Variants in PDE7B observed in about 807,000 individuals in gnomAD.
The protein encoded by PDE7B is 3',5'-cyclic-AMP phosphodiesterase 7B.
PDE7B carries 29 observed loss-of-function variants against 56.2 expected under a neutral mutation model. The ratio of observed to expected loss-of-function variants is 0.52; its 90% confidence interval spans 0.38 to 0.70. PDE7B has a LOEUF of 0.70. Ranked by LOEUF, PDE7B falls within the 30% of genes least tolerant of loss-of-function variation. The probability of loss-of-function intolerance (pLI) is 0.00; values close to 1 mark genes in which losing one functional copy is unlikely to be tolerated. For missense variants in PDE7B, 490 were observed against 565.0 expected (o/e 0.87, Z 1.35); for synonymous variants, 197 against 196.9 (o/e 1.00, Z 0.00).
At chr6:135,901,643 G>A (rs1022398889) in intron 1 of PDE7B, among the ~76,000 whole-genome samples, 4 of 152,016 alleles carry the variant, frequency 2.6e-5, no homozygotes, top group East Asian at 1.9e-4. Context: ...AAATTGACCC[G>A]GCAGCACACC....
At chr6:136,139,589 G>T (rs1433687414) in intron 3 of PDE7B, among the ~76,000 whole-genome samples, 1 of 152,200 alleles carries the variant, frequency 6.6e-6, no homozygotes, top group East Asian at 1.9e-4. Context: ...CCCACCAACA[G>T]TGTAAAAGTG....
Position 135,926,723 on chromosome 6 carries a change from G to A in PDE7B, c.22-20741G>A, listed in dbSNP as rs565410071. On this transcript the variant is annotated intron_variant, in intron 1 of 12. Coordinates refer to ENST00000308191, the MANE Select transcript of PDE7B (RefSeq NM_018945.4). ...TTTCTACTGCTTTCTCAAATGTCAC[G>A]ATGTACCACATTTTGGGGTGGCATG... is the stretch of plus-strand genomic sequence containing the variant. Among the ~76,000 whole-genome samples the A allele has an allele frequency of 4.6e-5, 7 of 152,142 alleles. No homozygotes were observed. The South Asian group carries it at 1.0e-3, about 23-fold the overall frequency.
intron 1 of PDE7B, among the ~76,000 whole-genome samples, chr6:135,934,125 T>C (rs926164572): frequency 1.3e-5 from 2 of 152,188 alleles, no homozygotes; most frequent in African/African-American, 4.8e-5. Context: ...AATGATTATC[T>C]CTCCTTATAA....
chr6:135,918,965 A>C (rs1014346888), intron 1 of PDE7B, among the ~76,000 whole-genome samples: 1 of 152,214 alleles, frequency 6.6e-6, no homozygotes, highest in Non-Finnish European at 1.5e-5. Context: ...AAATTTTTAA[A>C]GCTAACTGCC....
intron 2 of PDE7B, among the ~76,000 whole-genome samples, chr6:135,956,115 C>T (rs545759584): frequency 2.6e-5 from 4 of 151,638 alleles, no homozygotes; most frequent in Non-Finnish European, 5.9e-5. Context: ...TCAAAAGGAG[C>T]CTATGGAAGC....
At chr6:136,091,759 C>T (rs1274467118) in intron 2 of PDE7B, among the ~76,000 whole-genome samples, 1 of 152,200 alleles carries the variant, frequency 6.6e-6, no homozygotes, top group Non-Finnish European at 1.5e-5. Context: ...ATATTCAATT[C>T]CCTCAGCCTC....
chr6:135,934,895 ATT>A (rs1774377838), intron 1 of PDE7B, among the ~76,000 whole-genome samples: 1 of 110,404 alleles, frequency 9.1e-6, no homozygotes, highest in African/African-American at 3.7e-5. Context: ...TTAAATATAT[ATT>A]TAAATATATA....
At chr6:136,070,000 A>C (rs1777019078) in intron 2 of PDE7B, among the ~76,000 whole-genome samples, 1 of 152,190 alleles carries the variant, frequency 6.6e-6, no homozygotes, top group Non-Finnish European at 1.5e-5. Context: ...AAACTGATAA[A>C]TATCAAAAAA....
chr6:136,037,425 C>T (rs560583254), intron 2 of PDE7B: 255 of 985,280 alleles, frequency 2.6e-4, no homozygotes, highest in African/African-American at 1.7e-3. Flanking sequence ...ATAGGTTTGC[C>T]GAGAACCAAA....
At chr6:136,138,106 C>A (rs979116377) in intron 3 of PDE7B, among the ~76,000 whole-genome samples, 1 of 152,004 alleles carries the variant, frequency 6.6e-6, no homozygotes, top group African/African-American at 2.4e-5. Flanking sequence ...GTATAAGGGT[C>A]TTAAATAAAC....
chr6:135,861,965 A>G (rs1775157825), intron 1 of PDE7B, among the ~76,000 whole-genome samples: 1 of 151,872 alleles, frequency 6.6e-6, no homozygotes, highest in Admixed American at 6.6e-5. Flanking sequence ...TATATCAATT[A>G]ATTATCAGCA....
At chr6:136,030,550 C>T (rs556294126) in intron 2 of PDE7B, among the ~76,000 whole-genome samples, 4 of 152,240 alleles carry the variant, frequency 2.6e-5, no homozygotes, top group Non-Finnish European at 5.9e-5. Flanking sequence ...CTGGCTACAG[C>T]ACCATGAATG....
chr6:135,947,388 C>T (rs1436138216), intron 1 of PDE7B, 76 bp from the exon 2 acceptor site: 2 of 1,091,270 alleles, frequency 1.8e-6, no homozygotes, highest in African/African-American at 1.5e-5. Context: ...ATGGTAATGT[C>T]AGGTCACATG....
rs534533450 is a variant in PDE7B at position 136,048,729 on chromosome 6, G to C, written c.83-60002G>C. ...CATTCTAGCAACAGTGGCTGGTGAA[G>C]AGGTGGAGTTAGGGTGAGCATACTA... On this transcript the variant is annotated intron_variant, in intron 2 of 12. Transcript: ENST00000308191. 8.4e-4 allele frequency among the ~76,000 whole-genome samples: 128 copies of C among 152,286 alleles called. 1 individual carries two copies. The highest frequency in any genetic ancestry group is 2.9e-3 in the African/African-American group (121 of 41,568).
At chr6:136,074,266 TTTG>T (rs1292390381) in intron 2 of PDE7B, among the ~76,000 whole-genome samples, 2 of 151,842 alleles carry the variant, frequency 1.3e-5, no homozygotes, top group Non-Finnish European at 2.9e-5. Flanking sequence ...TTGGGGTTTT[TTTG>T]TTGTTTAAGG....
rs372657193 is a variant in PDE7B, at chr6:136,007,653, G to GA, written c.82+60143dup. 9.1e-3 allele frequency among the ~76,000 whole-genome samples: 1,228 copies of GA among 134,906 alleles called. 4 individuals carry two copies. The highest frequency in any genetic ancestry group is 0.012 in the Non-Finnish European group (726 of 61,930). The allele number at this position is 134,906 out of a possible 152,430, so 88.5% of individuals were successfully genotyped here. On this transcript the variant is annotated intron_variant, in intron 2 of 12. Transcript: ENST00000308191. ...ACTCAATAAATGTCCCTTTCTTGGTGAAAAAAAAAAAAAAGAAAATCAATT... is the reference window on the plus strand; with the variant it reads ...ACTCAATAAATGTCCCTTTCTTGGTGAAAAAAAAAAAAAAAGAAAATCAATT...
intron 2 of PDE7B, among the ~76,000 whole-genome samples, chr6:135,957,470 C>T (rs1317120767): frequency 1.3e-5 from 2 of 152,124 alleles, no homozygotes; most frequent in African/African-American, 4.8e-5. Flanking sequence ...GTCCCATGCT[C>T]ATAAAGACCC....
At chr6:135,896,138 G>A (rs1246243769) in intron 1 of PDE7B, among the ~76,000 whole-genome samples, 3 of 152,114 alleles carry the variant, frequency 2.0e-5, no homozygotes, top group Admixed American at 6.6e-5. Context: ...CCTAGAACAT[G>A]CCAAACAACA....
chr6:135,901,435 A>G (rs926649991), intron 1 of PDE7B, among the ~76,000 whole-genome samples: 3 of 152,214 alleles, frequency 2.0e-5, no homozygotes, highest in African/African-American at 7.2e-5. Context: ...AATGTTTTCA[A>G]TAGGCGGAAA....
Sources: allele counts gnomAD v4.1 joint callset (sites outside exome capture counted in the v4.1 genomes callset), GRCh38; gene constraint gnomAD v4.1.1; transcripts MANE v1.5; gene names NCBI Gene and HGNC (gene_info 2026-07-23, HGNC 2026-07-21).